RYK: variants seen among roughly 807,000 people sequenced by gnomAD.
RYK encodes inactive tyrosine-protein kinase RYK.
In RYK, 21 loss-of-function variants were observed where a neutral mutation model predicts 70.2. The observed-to-expected ratio is 0.30, with a 90% confidence interval of 0.21 to 0.43. The LOEUF (loss-of-function observed/expected upper bound fraction) is 0.43. RYK is among the 20% of genes least tolerant of loss of function. The pLI, the probability that RYK is intolerant of heterozygous loss-of-function variation, is 1.00. For synonymous variants in RYK, 267 were observed against 278.0 expected (o/e 0.96, Z 0.39); for missense variants, 604 against 753.3 (o/e 0.80, Z 2.32).
At chr3:134,163,630 TAAA>T (rs1281424861) in intron 13 of RYK, among the ~76,000 whole-genome samples, 1 of 152,202 alleles carries the variant, frequency 6.6e-6, no homozygotes, top group Non-Finnish European at 1.5e-5. Flanking sequence ...CAGCATTAAC[TAAA>T]GATGGAGCTA....
intron 2 of RYK, among the ~76,000 whole-genome samples, chr3:134,215,939 G>A (rs2014537728): frequency 6.6e-6 from 1 of 151,936 alleles, no homozygotes; most frequent in African/African-American, 2.4e-5. Flanking sequence ...CGGAGGCTAA[G>A]GCAGGAGAAT....
chr3:134,211,860 G>A (rs2014407408), intron 2 of RYK, among the ~76,000 whole-genome samples: 1 of 152,188 alleles, frequency 6.6e-6, no homozygotes, highest in South Asian at 2.1e-4. Flanking sequence ...CTGCCATCTA[G>A]GGTCAGAAAT....
chr3:134,199,096 C>G (rs1232592526), intron 6 of RYK, among the ~76,000 whole-genome samples: 1 of 152,206 alleles, frequency 6.6e-6, no homozygotes, highest in Non-Finnish European at 1.5e-5. Context: ...CTATCCAGGA[C>G]AGACTCATCA....
chr3:134,202,753 C>T lies in RYK; in HGVS notation c.765G>A (p.Met255Ile). The change falls in exon 6 of 15, where the codon ATG becomes ATA. Residue 255 changes from methionine to isoleucine, a missense_variant. Met to Ile is a conservative substitution (Grantham distance 10). Coordinates refer to ENST00000623711, the MANE Select transcript of RYK (RefSeq NM_002958.4). ...IILAVLHLHSMKRIELDDSIS... is the reference protein window; with the variant it reads ...IILAVLHLHSIKRIELDDSIS... ...ACCTGTCATCCAGTTCAATCCTTTT[C>T]ATACTATGAAGGTGCAAAACAGCTA... 2 of 1,612,434 alleles carry T rather than the reference C, an allele frequency of 1.2e-6. No individual in the cohort carries two copies. Among genetic ancestry groups the T allele is most frequent in the Non-Finnish European group, 1.7e-6 (2 of 1,179,632 alleles).
chr3:134,208,769 T>C (rs1287922768), intron 4 of RYK, among the ~76,000 whole-genome samples: 3 of 152,228 alleles, frequency 2.0e-5, no homozygotes, highest in African/African-American at 4.8e-5. Context: ...CTTGACAAGC[T>C]AGATTCTCTG....
At chr3:134,223,150 G>T (rs1347933916) in intron 1 of RYK, among the ~76,000 whole-genome samples, 1 of 152,116 alleles carries the variant, frequency 6.6e-6, no homozygotes, top group Non-Finnish European at 1.5e-5. Context: ...GTATCTGCAG[G>T]ACACAGCTCT....
At chr3:134,196,594 C>T (rs1040113777) in intron 6 of RYK, among the ~76,000 whole-genome samples, 2 of 148,412 alleles carry the variant, frequency 1.3e-5, no homozygotes, top group East Asian at 2.0e-4. Flanking sequence ...CACACACACA[C>T]ACACACACAC....
chr3:134,226,965 A>G (rs1343015862), intron 1 of RYK, among the ~76,000 whole-genome samples: 2 of 152,200 alleles, frequency 1.3e-5, no homozygotes, highest in Non-Finnish European at 1.5e-5. Context: ...CCAATGTATT[A>G]AGACATAAAA....
chr3:134,222,521 T>G lies in RYK; in HGVS notation c.251A>C (p.Tyr84Ser). 1.2e-6 allele frequency: 2 copies of G among 1,610,870 alleles called. No individual in the cohort carries two copies. Among genetic ancestry groups the G allele is most frequent in the Non-Finnish European group, 1.7e-6 (2 of 1,177,918 alleles). Reference protein sequence around the residue: ...RRLIGLDAELYYVRNDLISHY... With the variant: ...RRLIGLDAELSYVRNDLISHY... The stretch of plus-strand genomic sequence containing the variant: ...ACTAATAAGGTCATTTCTCACATAA[T>G]AAAGTTCTGCATCAAGACCTAGAAA... The change falls in exon 2 of 15, where the codon TAT becomes TCT. Residue 84 changes from tyrosine (Y) to serine (S), a missense_variant. Transcript: ENST00000623711.
At chr3:134,208,508 A>T (rs913736985) in intron 4 of RYK, among the ~76,000 whole-genome samples, 1 of 152,200 alleles carries the variant, frequency 6.6e-6, no homozygotes, top group African/African-American at 2.4e-5. Context: ...AATATAGTAG[A>T]ACTGAAAATT....
At chr3:134,160,010 A>G (rs1368144227) in intron 13 of RYK, among the ~76,000 whole-genome samples, 3 of 151,958 alleles carry the variant, frequency 2.0e-5, no homozygotes, top group Non-Finnish European at 4.4e-5. Context: ...GAGAGCGTGC[A>G]GGGGGCGGGG....
chr3:134,196,582 A>AACACACACACAC (rs57185535), intron 6 of RYK, among the ~76,000 whole-genome samples: 219 of 128,486 alleles, frequency 1.7e-3, no homozygotes, highest in African/African-American at 3.0e-3. Context: ...TCTGAAACAA[A>AACACACACACAC]ACACACACAC....
chr3:134,230,578 A>G, intron 1 of RYK, among the ~76,000 whole-genome samples: 1 of 152,262 alleles, frequency 6.6e-6, no homozygotes, highest in East Asian at 1.9e-4. Context: ...AGTATATACT[A>G]ATATTTCCAC....
At chr3:134,189,008 A>G in intron 8 of RYK, 85 bp from the exon 9 acceptor site, 1 of 753,250 alleles carries the variant, frequency 1.3e-6, no homozygotes, top group Non-Finnish European at 2.1e-6. Context: ...ATAACATAAA[A>G]CAAAAATAAC....
At chr3:134,165,366 G>A (rs1345683165) in intron 13 of RYK, among the ~76,000 whole-genome samples, 1 of 152,082 alleles carries the variant, frequency 6.6e-6, no homozygotes, top group Non-Finnish European at 1.5e-5. Flanking sequence ...TAGTGCACTG[G>A]CTATAATCTT....
In RYK at chr3:134,188,829, G is replaced by C. The variant is rs2013553479; in HGVS notation, c.1102+8C>G. On this transcript the variant is annotated splice_region_variant and intron_variant, in intron 9 of 14. Coordinates refer to ENST00000623711, the MANE Select transcript of RYK (RefSeq NM_002958.4). ...CATCATGGAAATACTATGGAAAAAA[G>C]ATCCTACCTTTAACTGTTTTGACAA... The C allele has an allele frequency of 6.6e-7, 1 of 1,505,676 alleles. No homozygotes were observed. The highest frequency in any genetic ancestry group is 9.2e-7 in the Non-Finnish European group (1 of 1,092,622). 93.3% of individuals were successfully genotyped at this position (1,505,676 alleles called of 1,614,324 possible). A position where few individuals can be genotyped will look rare whatever the true frequency, so the allele number is the denominator to read the frequency against.
intron 2 of RYK, among the ~76,000 whole-genome samples, chr3:134,214,719 C>T (rs1439856578): frequency 6.6e-6 from 1 of 152,326 alleles, no homozygotes; most frequent in East Asian, 1.9e-4. Context: ...CTCACTGACC[C>T]TCTTTTCCCT....
chr3:134,237,007 A>T (rs1335964647), intron 1 of RYK, among the ~76,000 whole-genome samples: 2 of 152,218 alleles, frequency 1.3e-5, no homozygotes, highest in Non-Finnish European at 2.9e-5. Flanking sequence ...CTCTTGTTAG[A>T]AAGCATGGCA....
chr3:134,167,546 T>C (rs2012720137), intron 13 of RYK, among the ~76,000 whole-genome samples: 3 of 152,164 alleles, frequency 2.0e-5, no homozygotes, highest in Admixed American at 6.5e-5. Context: ...TAGCCATATG[T>C]AGAAAGGTGA....
Sources: allele counts gnomAD v4.1 joint callset (sites outside exome capture counted in the v4.1 genomes callset), GRCh38; gene constraint gnomAD v4.1.1; transcripts MANE v1.5; gene names NCBI Gene and HGNC (gene_info 2026-07-23, HGNC 2026-07-21).